The following LRTM1 variants were observed in gnomAD, a reference collection of about 807,000 sequenced individuals.
LRTM1 encodes leucine rich repeat transmembrane protein 1.
In LRTM1, 38 loss-of-function variants were observed where a neutral mutation model predicts 32.4. The observed-to-expected ratio is 1.17, with a 90% CI of 0.91 to 1.54. LRTM1 has a LOEUF of 1.54. LRTM1 is among the 40% of genes most tolerant of loss of function. The probability of loss-of-function intolerance (pLI) is 0.00; values close to 1 mark genes in which losing one functional copy is unlikely to be tolerated. For missense variants in LRTM1, 466 were observed against 415.4 expected, an observed-to-expected ratio of 1.12 and a Z score of -1.06; for synonymous variants, 186 against 169.9, an observed-to-expected ratio of 1.09 and a Z score of -0.74.
At chr3:54,959,265 TTCCC>T (rs1288860370) in intron 1 of LRTM1, among the ~76,000 whole-genome samples, 1 of 152,186 alleles carries the variant, frequency 6.6e-6, no homozygotes, top group Non-Finnish European at 1.5e-5. Context: ...TTCACCACAG[TTCCC>T]TGTCAGCTCT....
chr3:54,924,965 A>G lies in LRTM1; in HGVS notation c.258T>C (p.Leu86=), dbSNP rs1217472168. 14 of 1,611,104 alleles carry G rather than the reference A, an allele frequency of 8.7e-6. No homozygotes were observed. In the East Asian group the frequency reaches 2.9e-4, roughly 33 times the overall value. The part of the protein sequence containing the change: ...LMTLNLSNNS[L]SNLAPGAFHG... ...GGAAAGCTCCAGGGGCCAGATTTGA[A>G]AGGGAATTGTTGGACAAGTTTAAGG... Residue 86 remains leucine (L), a synonymous_variant, in exon 2 of 3, where the codon CTT becomes CTC. Coordinates refer to ENST00000273286, the MANE Select transcript of LRTM1 (RefSeq NM_020678.4).
At position 54,927,883 on chromosome 3, in the gene LRTM1, A is replaced by G. The variant is rs755584284; in HGVS notation, c.7+22T>C. 5.0e-6 allele frequency: 8 copies of G among 1,613,362 alleles called. No homozygotes were observed. The African/African-American group carries it at 9.4e-5, about 19-fold the overall frequency. On this transcript the variant is annotated intron_variant, in intron 1 of 2. Coordinates refer to ENST00000273286, the MANE Select transcript of LRTM1 (RefSeq NM_020678.4). ...TTTCTCCCAGACAAGAACTTTTCCA[A>G]CGGGAATTGATCAGGGCTCACCTTT...
At chr3:54,927,560 C>G (rs1453714651) in intron 1 of LRTM1, among the ~76,000 whole-genome samples, 1 of 152,130 alleles carries the variant, frequency 6.6e-6, no homozygotes, top group Non-Finnish European at 1.5e-5. Flanking sequence ...GAAAGGCTTG[C>G]CTCTCTGAGA....
intron 1 of LRTM1, among the ~76,000 whole-genome samples, chr3:54,947,290 C>A (rs1701640380): frequency 6.6e-6 from 1 of 152,056 alleles, no homozygotes; most frequent in South Asian, 2.1e-4. Flanking sequence ...TTCCAGTAGA[C>A]CAAGAAACAG....
At chr3:54,963,183 C>A (rs1462941150) in intron 1 of LRTM1, among the ~76,000 whole-genome samples, 1 of 152,168 alleles carries the variant, frequency 6.6e-6, no homozygotes, top group Non-Finnish European at 1.5e-5. Flanking sequence ...TTTCCAACTT[C>A]CCCTTGCAAG....
At chr3:54,919,191 G>A (rs1435350920) in intron 2 of LRTM1, among the ~76,000 whole-genome samples, 1 of 152,214 alleles carries the variant, frequency 6.6e-6, no homozygotes, top group African/African-American at 2.4e-5. Flanking sequence ...TGACAAGAAG[G>A]CACGCTGGGG....
intron 2 of LRTM1, among the ~76,000 whole-genome samples, chr3:54,922,174 C>G (rs76918430): frequency 6.6e-6 from 1 of 152,280 alleles, no homozygotes; most frequent in East Asian, 1.9e-4. Flanking sequence ...TAGGAACTCC[C>G]TGACTTAAAA....
chr3:54,927,687 A>C (rs1418601899), intron 1 of LRTM1, among the ~76,000 whole-genome samples: 1 of 152,178 alleles, frequency 6.6e-6, no homozygotes, highest in Non-Finnish European at 1.5e-5. Context: ...CATGCCAACT[A>C]CATATTCATG....
rs1262155816 is a variant in LRTM1 at position 54,924,954 on chromosome 3, GC to G, written c.268del (p.Ala90ProfsTer14). The G allele has an allele frequency of 4.3e-6, 7 of 1,611,322 alleles. No homozygotes were observed. Among genetic ancestry groups the G allele is most frequent in the Non-Finnish European group, 5.9e-6 (7 of 1,177,586 alleles). ...NLSNNSLSNL[A>X]PGAFHGLQHL... ...CTGAAGCCCATGGAAAGCTCCAGGG[GC>G]CAGATTTGAAAGGGAATTGTTGGAC... On this transcript the variant is annotated frameshift_variant, in exon 2 of 3. Transcript: ENST00000273286. LOFTEE classifies it high-confidence loss of function.
chr3:54,918,762 C>T lies in LRTM1; in HGVS notation c.735G>A (p.Gln245=). ...PAPDPVSSQA[Q]WPGSAHGVVL... ...CCACACCGTGGGCAGAGCCGGGCCA[C>T]TGAGCCTGCGAGGACACTGGATCAG... The change falls in exon 3 of 3, where the codon CAG becomes CAA. Residue 245 remains glutamine, a synonymous_variant. Transcript: ENST00000273286. 6.2e-7 allele frequency: 1 copy of T among 1,614,190 alleles called. No homozygotes were observed. Among genetic ancestry groups the T allele is most frequent in the Non-Finnish European group, 8.5e-7 (1 of 1,180,032 alleles).
chr3:54,942,253 A>G (rs749973133), intron 1 of LRTM1, among the ~76,000 whole-genome samples: 2 of 152,152 alleles, frequency 1.3e-5, no homozygotes, highest in Non-Finnish European at 1.5e-5. Context: ...AAGTCCCAGC[A>G]TGGCTAAGAC....
upstream of LRTM1, chr3:54,928,140 G>C (rs1701080630): frequency 1.9e-6 from 1 of 536,958 alleles, no homozygotes. Context: ...TCCATAAGAG[G>C]ATCTTGGGAT....
chr3:54,925,851 C>T lies in LRTM1; in HGVS notation c.8-636G>A, dbSNP rs145008651. Among the ~76,000 whole-genome samples the T allele has an allele frequency of 6.2e-3, 943 of 152,262 alleles. 13 individuals carry two copies. Among genetic ancestry groups the T allele is most frequent in the African/African-American group, 0.022 (895 of 41,554 alleles). On this transcript the variant is annotated intron_variant, in intron 1 of 2. Transcript: ENST00000273286. ...TGTATTGGATAGGGCAGATCTAAAG[C>T]GCTGCTACGTATTGATATCCATTTT...
At chr3:54,921,987 G>A (rs1448337837) in intron 2 of LRTM1, among the ~76,000 whole-genome samples, 1 of 151,156 alleles carries the variant, frequency 6.6e-6, no homozygotes, top group Admixed American at 6.6e-5. Flanking sequence ...TAATCAGACT[G>A]TCTCCCATGT....
In LRTM1 at chr3:54,924,953, G is replaced by A. The variant is rs1700968525; in HGVS notation, c.270C>T (p.Ala90=). The stretch of plus-strand genomic sequence containing the variant: ...GCTGAAGCCCATGGAAAGCTCCAGG[G>A]GCCAGATTTGAAAGGGAATTGTTGG... ...NLSNNSLSNL[A]PGAFHGLQHL... The change falls in exon 2 of 3, where the codon GCC becomes GCT. Residue 90 remains alanine, a synonymous_variant. Coordinates refer to ENST00000273286, the MANE Select transcript of LRTM1 (RefSeq NM_020678.4). 6.2e-7 allele frequency: 1 copy of A among 1,611,252 alleles called. No homozygotes were observed. The highest frequency in any genetic ancestry group is 1.7e-5 in the Admixed American group (1 of 59,966).
At position 54,924,664 on chromosome 3, in the gene LRTM1, G is replaced by A. The variant is rs772427357; in HGVS notation, c.559C>T (p.His187Tyr). The A allele has an allele frequency of 4.3e-6, 7 of 1,613,978 alleles. No homozygotes were observed. In the Admixed American group the frequency reaches 6.7e-5, roughly 15 times the overall value. ...AGCCAGAGTTTAAGACCGAGCAAGT[G>A]GCAATTGCATTTCCAGAGGTTGTCC... ...LKDNLWKCNCHLLGLKLWLEK... is the reference protein window; with the variant it reads ...LKDNLWKCNCYLLGLKLWLEK... Residue 187 changes from histidine (H) to tyrosine (Y), a missense_variant, in exon 2 of 3, where the codon CAC becomes TAC. By Grantham distance (83) the His-to-Tyr change is moderately conservative. Coordinates refer to ENST00000273286, the MANE Select transcript of LRTM1 (RefSeq NM_020678.4).
At position 54,918,763 on chromosome 3, in the gene LRTM1, T is replaced by A. The variant is rs371576054; in HGVS notation, c.734A>T (p.Gln245Leu). ...CACACCGTGGGCAGAGCCGGGCCAC[T>A]GAGCCTGCGAGGACACTGGATCAGG... Reference protein sequence around the residue: ...PAPDPVSSQAQWPGSAHGVVL... With the variant: ...PAPDPVSSQALWPGSAHGVVL... The change falls in exon 3 of 3, where the codon CAG (glutamine) becomes CTG (leucine). Residue 245 changes from glutamine to leucine, a missense_variant. Coordinates refer to ENST00000273286, the MANE Select transcript of LRTM1 (RefSeq NM_020678.4). 10 of 1,614,052 alleles carry A rather than the reference T, an allele frequency of 6.2e-6. No individual in the cohort carries two copies. The highest frequency in any genetic ancestry group is 8.5e-6 in the Non-Finnish European group (10 of 1,180,036).
intron 1 of LRTM1, among the ~76,000 whole-genome samples, chr3:54,963,674 C>T (rs1051512757): frequency 1.3e-5 from 2 of 152,160 alleles, no homozygotes; most frequent in Non-Finnish European, 1.5e-5. Context: ...TTGGATGATG[C>T]CCTGCATTCG....
At position 54,918,321 on chromosome 3, in the gene LRTM1, C is replaced by CTTTTTTTTTTG; in HGVS notation, c.*137_*138insCAAAAAAAAAA. The CTTTTTTTTTTG allele has an allele frequency of 2.6e-6, 1 of 390,728 alleles. No homozygotes were observed. Among genetic ancestry groups the CTTTTTTTTTTG allele is most frequent in the Non-Finnish European group, 4.2e-6 (1 of 236,698 alleles). 24.2% of individuals were successfully genotyped at this position (390,728 alleles called of 1,614,324 possible). A position where few individuals can be genotyped will look rare whatever the true frequency, so the allele number is the denominator to read the frequency against. ...CCAGAAATATTTTTTACAGACACAT[C>CTTTTTTTTTTG]TTTTTTTTTTCTTTTTTTTTTTTTT... On this transcript the variant is annotated 3_prime_UTR_variant, in exon 3 of 3. Coordinates refer to ENST00000273286, the MANE Select transcript of LRTM1 (RefSeq NM_020678.4).
Sources: gnomAD v4.1 joint callset for allele counts (sites outside exome capture counted in the v4.1 genomes callset) on GRCh38, gnomAD v4.1.1 for gene constraint, MANE v1.5 for transcripts, NCBI Gene and HGNC (gene_info 2026-07-23, HGNC 2026-07-21) for gene names.